Variants in HAUS5 observed in about 807,000 individuals in gnomAD.
HAUS5 encodes the protein HAUS augmin like complex subunit 5.
In HAUS5, 67 loss-of-function variants were observed where a neutral mutation model predicts 94.1. The observed-to-expected ratio is 0.71, with a 90% CI of 0.58 to 0.87. The LOEUF (loss-of-function observed/expected upper bound fraction) is 0.87. Ranked by LOEUF, HAUS5 falls within the 40% of genes least tolerant of loss-of-function variation. The pLI is 0.00. For synonymous variants in HAUS5, 339 were observed against 355.4 expected, an observed-to-expected ratio of 0.95 and a Z score of 0.52; for missense variants, 739 against 825.6, an observed-to-expected ratio of 0.90 and a Z score of 1.29.
chr19:35,619,346 G>A (rs1967164559), intron 13 of HAUS5, 78 bp from the exon 14 acceptor site: 1 of 1,183,298 alleles, frequency 8.5e-7, no homozygotes, highest in Non-Finnish European at 1.2e-6. Context: ...CTCCCAGGCA[G>A]AAGCAGGACC....
In HAUS5 at chr19:35,618,900, C is replaced by G. The variant is rs766439970; in HGVS notation, c.1030C>G (p.Leu344Val). 6.2e-7 allele frequency: 1 copy of G among 1,607,160 alleles called. No homozygotes were observed. Among genetic ancestry groups the G allele is most frequent in the Admixed American group, 1.7e-5 (1 of 58,220 alleles). ...CTTGCCCTGCAGGCAGGTGCTGATA[C>G]TGGGGCTTCGGCGCTGTTGCCTGTG... ...LGSSERQVLI[L>V]GLRRCCLWTE... Residue 344 changes from leucine to valine, a missense_variant, in exon 13 of 19, where the codon CTG becomes GTG. Coordinates refer to ENST00000203166, the MANE Select transcript of HAUS5 (RefSeq NM_015302.2).
chr19:35,617,923 A>G lies in HAUS5; in HGVS notation c.696+11A>G. Reference sequence around the variant, plus strand: ...CTGAGCTCAGTGGAGGTGAGAGGGCAGGGCTCTCAGGAAAGCCACACCCTC... The same window carrying G: ...CTGAGCTCAGTGGAGGTGAGAGGGCGGGGCTCTCAGGAAAGCCACACCCTC... On this transcript the variant is annotated intron_variant, in intron 9 of 18. Transcript: ENST00000203166. 6.2e-7 allele frequency: 1 copy of G among 1,613,238 alleles called. No homozygotes were observed. Among genetic ancestry groups the G allele is most frequent in the East Asian group, 2.2e-5 (1 of 44,880 alleles).
chr19:35,613,989 C>G (rs1360419872), intron 3 of HAUS5, 46 bp from the exon 4 acceptor site: 7 of 1,611,768 alleles, frequency 4.3e-6, no homozygotes, highest in Non-Finnish European at 5.9e-6. Flanking sequence ...TTGCCCTCCC[C>G]CCTAGAAGCC....
At chr19:35,620,883 C>T (rs1967199562) in intron 17 of HAUS5, among the ~76,000 whole-genome samples, 1 of 152,174 alleles carries the variant, frequency 6.6e-6, no homozygotes. Flanking sequence ...GCATCATTGT[C>T]TGTGTACACA....
At chr19:35,617,740 C>A in intron 8 of HAUS5, 115 bp from the exon 9 acceptor site, 1 of 896,962 alleles carries the variant, frequency 1.1e-6, no homozygotes, top group South Asian at 1.5e-5. Flanking sequence ...TTGGGGAACT[C>A]AAGTCTAACA....
Position 35,612,815 on chromosome 19 carries a change from G to A in HAUS5, c.21G>A (p.Ala7=), listed in dbSNP as rs1193043138. MELAQE[A]RELGCWAVEE... ...CTGTCATGGAGCTAGCGCAGGAAGC[G>A]CGGGAACTGGGTTGCTGGGCGGTCG... The change falls in exon 1 of 19, where the codon GCG becomes GCA. Residue 7 remains alanine (A), a synonymous_variant. Coordinates refer to ENST00000203166, the MANE Select transcript of HAUS5 (RefSeq NM_015302.2). The A allele has an allele frequency of 1.3e-6, 2 of 1,547,738 alleles. No individual in the cohort carries two copies. Among genetic ancestry groups the A allele is most frequent in the South Asian group, 1.2e-5 (1 of 83,740 alleles).
intron 17 of HAUS5, among the ~76,000 whole-genome samples, chr19:35,620,945 G>C (rs942946104): frequency 6.6e-6 from 1 of 152,170 alleles, no homozygotes; most frequent in Non-Finnish European, 1.5e-5. Context: ...AAGAACCCCA[G>C]TTTACAGATG....
rs751838381 is a variant in HAUS5, at chr19:35,620,075, C to T, written c.1470C>T (p.Gly490=). ...IHQLHPASPR[G]SSFIALSHKL... is the part of the protein sequence containing the mutation. Reference sequence around the variant, plus strand: ...AGCTGCACCCCGCGTCCCCAAGGGGCTCCAGCTTCATAGCGCTGAGCCACA... The same window carrying T: ...AGCTGCACCCCGCGTCCCCAAGGGGTTCCAGCTTCATAGCGCTGAGCCACA... The change falls in exon 16 of 19, where the codon GGC becomes GGT. Residue 490 remains glycine (G), a synonymous_variant. Coordinates refer to ENST00000203166, the MANE Select transcript of HAUS5 (RefSeq NM_015302.2). 1.2e-6 allele frequency: 2 copies of T among 1,613,936 alleles called. No individual in the cohort carries two copies. Among genetic ancestry groups the T allele is most frequent in the Non-Finnish European group, 1.7e-6 (2 of 1,179,942 alleles).
At chr19:35,622,783 G>A in intron 18 of HAUS5, 50 bp downstream of exon 18, 1 of 1,612,846 alleles carries the variant, frequency 6.2e-7, no homozygotes, top group Non-Finnish European at 8.5e-7. Flanking sequence ...CAGGACTCAA[G>A]CTGGGGGCCT....
rs200778747 is a variant in HAUS5 at position 35,617,852 on chromosome 19, C to T, written c.639-3C>T. 250 of 1,613,860 alleles carry T rather than the reference C, an allele frequency of 1.5e-4. No individual in the cohort carries two copies. In the African/African-American group the frequency reaches 2.9e-3, roughly 19 times the overall value. On this transcript the variant is annotated splice_region_variant and splice_polypyrimidine_tract_variant and intron_variant, in intron 8 of 18. Coordinates refer to ENST00000203166, the MANE Select transcript of HAUS5 (RefSeq NM_015302.2). Reference sequence around the variant, plus strand: ...TTCTCTGTCCGCTTACCCAACCCCACAGAACCCCTCATGATGACCACTTTG... The same window carrying T: ...TTCTCTGTCCGCTTACCCAACCCCATAGAACCCCTCATGATGACCACTTTG...
At chr19:35,617,779 T>TA in intron 8 of HAUS5, 76 bp from the exon 9 acceptor site, 1 of 1,254,680 alleles carries the variant, frequency 8.0e-7, no homozygotes, top group Non-Finnish European at 1.2e-6. Context: ...GCCCCTACCT[T>TA]ATAGGGTGGT....
At chr19:35,619,924 C>A in intron 15 of HAUS5, 88 bp from the exon 16 acceptor site, 1 of 1,545,016 alleles carries the variant, frequency 6.5e-7, no homozygotes. Flanking sequence ...TCCCCAGACC[C>A]ACCTTGAAGT....
Position 35,624,102 on chromosome 19 carries a change from GTTTTTTTTTTT to G in HAUS5, c.*1119_*1129del, listed in dbSNP as rs55750807. On this transcript the variant is annotated 3_prime_UTR_variant, in exon 19 of 19. Coordinates refer to ENST00000203166, the MANE Select transcript of HAUS5 (RefSeq NM_015302.2). ...GTCATATCTGTTCTTGTTTTCTTTT[GTTTTTTTTTTT>G]TTTTTTTTTGAGATGCAGTCTCATT... 1.9e-5 allele frequency: 2 copies of G among 103,998 alleles called. No individual in the cohort carries two copies. Among genetic ancestry groups the G allele is most frequent in the East Asian group, 5.6e-4 (2 of 3,572 alleles). The allele number at this position is 103,998 out of a possible 1,614,324, so 6.4% of individuals were successfully genotyped here. A position where few individuals can be genotyped will look rare whatever the true frequency, so the allele number is the denominator to read the frequency against.
Position 35,618,073 on chromosome 19 carries a change from G to T in HAUS5, c.699G>T (p.Thr233=). 1.3e-6 allele frequency: 2 copies of T among 1,590,528 alleles called. No homozygotes were observed. Among genetic ancestry groups the T allele is most frequent in the Non-Finnish European group, 1.7e-6 (2 of 1,165,960 alleles). ...SYQQWLSSVE[T]LLTNHPPGHV... ...GACTTCACCCTCCCTCCCCCTAGAC[G>T]CTGCTGACAAACCACCCCCCAGGCC... The change falls in exon 10 of 19, where the codon ACG becomes ACT. Residue 233 remains threonine, a splice_region_variant and synonymous_variant. Transcript: ENST00000203166.
At chr19:35,614,317 C>T in intron 4 of HAUS5, 1 of 551,224 alleles carries the variant, frequency 1.8e-6, no homozygotes, top group East Asian at 3.2e-5. Context: ...CTGAGGGCTC[C>T]AGGAAGCGAT....
intron 17 of HAUS5, among the ~76,000 whole-genome samples, chr19:35,621,021 A>C (rs1329351766): frequency 6.6e-6 from 1 of 152,236 alleles, no homozygotes; most frequent in Non-Finnish European, 1.5e-5. Flanking sequence ...GGTGTCTACC[A>C]GGTGCCAGCC....
At chr19:35,614,286 C>T in intron 4 of HAUS5, 1 of 594,228 alleles carries the variant, frequency 1.7e-6, no homozygotes, top group East Asian at 2.9e-5. Flanking sequence ...CCTGAGGCCT[C>T]ATCTCAGGTG....
rs2071931165 is a variant in HAUS5 at position 35,615,209 on chromosome 19, C to T, written c.326-18C>T. 6.2e-7 allele frequency: 1 copy of T among 1,613,342 alleles called. No individual in the cohort carries two copies. Among genetic ancestry groups the T allele is most frequent in the Non-Finnish European group, 8.5e-7 (1 of 1,179,622 alleles). ...GGGGCGGGAAAGGTGCTGATGGCCACCCCTGTTCCTCCCACAGACACGGCC... is the reference window on the plus strand; with the variant it reads ...GGGGCGGGAAAGGTGCTGATGGCCATCCCTGTTCCTCCCACAGACACGGCC... On this transcript the variant is annotated intron_variant, in intron 5 of 18. Transcript: ENST00000203166.
At chr19:35,617,499 TAGA>T (rs1038109936) in intron 8 of HAUS5, 130 bp downstream of exon 8, 47 of 642,684 alleles carry the variant, frequency 7.3e-5, no homozygotes, top group African/African-American at 5.1e-4. Flanking sequence ...AGGCTGGGAA[TAGA>T]AGGAGACAGT....
Sources: allele counts gnomAD v4.1 joint callset (sites outside exome capture counted in the v4.1 genomes callset), GRCh38; gene constraint gnomAD v4.1.1; transcripts MANE v1.5; gene names NCBI Gene and HGNC (gene_info 2026-07-23, HGNC 2026-07-21).